The following HNF1B variants were observed in gnomAD, a reference collection of about 807,000 sequenced individuals.
HNF1B encodes the protein HNF1 homeobox B, also known as hepatocyte nuclear factor 1-beta.
HNF1B carries 8 observed loss-of-function variants against 61.7 expected under a neutral mutation model. That is an observed-to-expected ratio of 0.13 (90% CI 0.08 to 0.23). The LOEUF is 0.23. Among genes scored for constraint, HNF1B ranks in the 10% least tolerant of loss-of-function variants. The probability of loss-of-function intolerance (pLI) is 1.00; values close to 1 mark genes in which losing one functional copy is unlikely to be tolerated. For synonymous variants in HNF1B, 314 were observed against 287.7 expected (o/e 1.09, Z -0.93); for missense variants, 562 against 714.5 (o/e 0.79, Z 2.43).
Position 37,699,873 on chromosome 17 carries a change from C to T in HNF1B, c.1535-679G>A, listed in dbSNP as rs545593531. ...TAGAAGGCTGGACTTGGCTGTTCTC[C>T]CCCAAACCCACAGCTTATCCGATGC... On this transcript the variant is annotated intron_variant, in intron 7 of 8. Transcript: ENST00000617811. Among the ~76,000 whole-genome samples the T allele has an allele frequency of 9.2e-5, 14 of 152,274 alleles. 1 individual carries two copies. The South Asian group carries it at 2.9e-3, about 32-fold the overall frequency.
chr17:37,732,364 T>A lies in HNF1B; in HGVS notation c.810-534A>T, dbSNP rs190653562. ...TGCATTGAGATGGCCAGTCTCTAGC[T>A]TTATCAGGGCTGGTGAAACCTCAAA... On this transcript the variant is annotated intron_variant, in intron 3 of 8. Coordinates refer to ENST00000617811, the MANE Select transcript of HNF1B (RefSeq NM_000458.4). 3.3e-5 allele frequency among the ~76,000 whole-genome samples: 5 copies of A among 152,296 alleles called. No homozygotes were observed. In the East Asian group the frequency reaches 9.6e-4, roughly 29 times the overall value.
At chr17:37,725,663 T>A (rs2147522387) in intron 4 of HNF1B, among the ~76,000 whole-genome samples, 1 of 152,338 alleles carries the variant, frequency 6.6e-6, no homozygotes, top group East Asian at 1.9e-4. Context: ...AAGGCAGGAT[T>A]TGTCTCTCTT....
intron 1 of HNF1B, among the ~76,000 whole-genome samples, chr17:37,741,382 T>C (rs1163464500): frequency 6.6e-6 from 1 of 152,148 alleles, no homozygotes. Context: ...ATATTAATTA[T>C]ATATAAGAAC....
At chr17:37,742,545 G>C (rs2034025244) in intron 1 of HNF1B, among the ~76,000 whole-genome samples, 1 of 152,146 alleles carries the variant, frequency 6.6e-6, no homozygotes. Context: ...CTTTAATCAA[G>C]TCCGGCGCTC....
chr17:37,737,243 A>G (rs755531005), intron 2 of HNF1B, among the ~76,000 whole-genome samples: 5 of 152,104 alleles, frequency 3.3e-5, no homozygotes, highest in Non-Finnish European at 7.4e-5. Flanking sequence ...TTCATCCTTC[A>G]AGACATGATT....
At chr17:37,724,818 C>T (rs2033438215) in intron 4 of HNF1B, among the ~76,000 whole-genome samples, 1 of 151,902 alleles carries the variant, frequency 6.6e-6, no homozygotes, top group African/African-American at 2.4e-5. Flanking sequence ...TTATGAATAG[C>T]TAGGATAATA....
chr17:37,717,065 G>GTT (rs2033147265), intron 4 of HNF1B, among the ~76,000 whole-genome samples: 1 of 152,160 alleles, frequency 6.6e-6, no homozygotes, highest in African/African-American at 2.4e-5. Context: ...AAAGAAAACA[G>GTT]GACCAGAATT....
intron 2 of HNF1B, 121 bp downstream of exon 2, chr17:37,739,319 T>C: frequency 1.1e-6 from 1 of 920,148 alleles, no homozygotes; most frequent in Middle Eastern, 3.2e-4. Flanking sequence ...ACTTGCCACC[T>C]TCCTCATATC....
intron 5 of HNF1B, among the ~76,000 whole-genome samples, chr17:37,708,974 A>G (rs960048367): frequency 1.3e-5 from 2 of 152,026 alleles, no homozygotes; most frequent in African/African-American, 4.8e-5. Flanking sequence ...ACACGTCAAG[A>G]TCTAAAATGG....
intron 6 of HNF1B, among the ~76,000 whole-genome samples, chr17:37,702,357 G>A (rs1363445176): frequency 1.3e-5 from 2 of 152,112 alleles, no homozygotes; most frequent in African/African-American, 2.4e-5. Context: ...CCTAAAAGGC[G>A]AGACCCCTGA....
At chr17:37,695,386 C>T (rs2032350381) in intron 8 of HNF1B, among the ~76,000 whole-genome samples, 1 of 152,220 alleles carries the variant, frequency 6.6e-6, no homozygotes, top group African/African-American at 2.4e-5. Flanking sequence ...GCCTGGGTGC[C>T]CAGGCAGAAG....
chr17:37,707,115 TA>T (rs966835185), intron 5 of HNF1B, among the ~76,000 whole-genome samples: 11 of 129,000 alleles, frequency 8.5e-5, no homozygotes, highest in African/African-American at 1.3e-4. Flanking sequence ...CTATTATTTT[TA>T]ATTTTTTTTT....
intron 2 of HNF1B, among the ~76,000 whole-genome samples, chr17:37,738,092 G>C (rs2033887415): frequency 1.3e-5 from 2 of 152,206 alleles, no homozygotes; most frequent in Admixed American, 1.3e-4. Flanking sequence ...AAGCGTTGTT[G>C]GGTCTTTGGA....
intron 1 of HNF1B, 83 bp downstream of exon 1, chr17:37,744,458 G>T: frequency 7.2e-7 from 1 of 1,397,584 alleles, no homozygotes; most frequent in Non-Finnish European, 1.0e-6. Flanking sequence ...CTTGGCGAGT[G>T]TGGTCGGGCG....
chr17:37,733,893 GA>G, intron 2 of HNF1B, 72 bp from the exon 3 acceptor site: 1 of 1,231,612 alleles, frequency 8.1e-7, no homozygotes, highest in Non-Finnish European at 1.1e-6. Context: ...CAGACAGACA[GA>G]CAACGGACGA....
intron 4 of HNF1B, among the ~76,000 whole-genome samples, chr17:37,724,868 G>A (rs1009066075): frequency 4.0e-5 from 6 of 151,710 alleles, no homozygotes; most frequent in African/African-American, 1.5e-4. Context: ...TTTGTGGGCT[G>A]CATTCCTTTT....
intron 8 of HNF1B, among the ~76,000 whole-genome samples, chr17:37,692,129 G>A (rs919886464): frequency 3.3e-5 from 5 of 152,344 alleles, no homozygotes; most frequent in East Asian, 1.9e-4. Context: ...GGAGGGAGAC[G>A]TATGTGCTCT....
intron 5 of HNF1B, 111 bp from the exon 6 acceptor site, chr17:37,705,160 T>G: frequency 9.0e-7 from 1 of 1,107,884 alleles, no homozygotes; most frequent in Non-Finnish European, 1.3e-6. Context: ...CTCAAATTCA[T>G]TCCTTCATTC....
intron 4 of HNF1B, 22 bp downstream of exon 4, chr17:37,731,573 G>A: frequency 1.3e-6 from 2 of 1,588,932 alleles, no homozygotes; most frequent in Non-Finnish European, 8.6e-7. Context: ...TGCCGAGGCA[G>A]TGAGGCCCAA....
Sources: gnomAD v4.1 joint callset for allele counts (sites outside exome capture counted in the v4.1 genomes callset) on GRCh38, gnomAD v4.1.1 for gene constraint, MANE v1.5 for transcripts, NCBI Gene and HGNC (gene_info 2026-07-23, HGNC 2026-07-21) for gene names.